HMSD: variants seen among roughly 807,000 people sequenced by gnomAD.
HMSD encodes serpin-like protein HMSD.
HMSD carries 13 observed loss-of-function variants against 10.0 expected under a neutral mutation model. That is an observed-to-expected ratio of 1.31 (90% confidence interval 0.85 to 2.08). The LOEUF is 2.08. Among genes scored for constraint, HMSD ranks in the 30% most tolerant of loss-of-function variants. The pLI is 0.00. For synonymous variants in HMSD, 51 were observed against 54.2 expected, an observed-to-expected ratio of 0.94 and a Z score of 0.26; for missense variants, 169 against 166.3, an observed-to-expected ratio of 1.02 and a Z score of -0.09.
intron 1 of HMSD, among the ~76,000 whole-genome samples, chr18:63,950,415 CAAAAAAAAAAAAA>C (rs562421091): frequency 2.6e-5 from 1 of 39,056 alleles, no homozygotes; most frequent in Non-Finnish European, 5.7e-5. Context: ...GACTCTCTCT[CAAAAAAAAAAAAA>C]AAAAAAAAAA....
At chr18:63,969,085 A>G (rs2050427959) in intron 3 of HMSD, among the ~76,000 whole-genome samples, 6 of 152,222 alleles carry the variant, frequency 3.9e-5, no homozygotes, top group Admixed American at 3.9e-4. Flanking sequence ...TGCAGGAGAC[A>G]TTATTTGAAC....
chr18:63,953,810 C>T (rs922696116), intron 2 of HMSD, among the ~76,000 whole-genome samples: 8 of 152,208 alleles, frequency 5.3e-5, no homozygotes, highest in African/African-American at 1.9e-4. Flanking sequence ...TGGATGGGCC[C>T]TCAGTTCCCT....
chr18:63,963,126 TTTCTTTCC>T (rs1424384838), downstream of HMSD, among the ~76,000 whole-genome samples: 53 of 131,046 alleles, frequency 4.0e-4, no homozygotes, highest in African/African-American at 1.3e-3. Flanking sequence ...TCTTTCTTTC[TTTCTTTCC>T]TTTCTTTCTT....
At chr18:63,951,526 A>G (rs1224193187) in intron 1 of HMSD, among the ~76,000 whole-genome samples, 3 of 152,240 alleles carry the variant, frequency 2.0e-5, no homozygotes, top group African/African-American at 7.2e-5. Context: ...AATTACTGAA[A>G]GAGCTTGAGT....
At chr18:63,960,097 A>C (rs976241288) in intron 3 of HMSD, 61 bp from the exon 4 acceptor site, 1 of 1,445,652 alleles carries the variant, frequency 6.9e-7, no homozygotes. Context: ...ACAATGAAGA[A>C]GTAAGCCAGT....
downstream of HMSD, among the ~76,000 whole-genome samples, chr18:63,963,740 T>A (rs535005445): frequency 1.6e-4 from 25 of 152,342 alleles, no homozygotes; most frequent in Admixed American, 3.9e-4. Flanking sequence ...CAGCTCTAAA[T>A]CTACCTTTGT....
intron 1 of HMSD, among the ~76,000 whole-genome samples, chr18:63,952,594 TG>T (rs1178019397): frequency 1.3e-5 from 2 of 152,236 alleles, no homozygotes; most frequent in African/African-American, 2.4e-5. Context: ...TATTCAATCA[TG>T]GATTTGACAG....
chr18:63,955,994 G>A (rs780662934), intron 3 of HMSD, among the ~76,000 whole-genome samples: 1 of 152,206 alleles, frequency 6.6e-6, no homozygotes, highest in Non-Finnish European at 1.5e-5. Context: ...CCACCTGGAC[G>A]TTTTCCAGGG....
chr18:63,963,944 T>G (rs542746459), downstream of HMSD, among the ~76,000 whole-genome samples: 1 of 152,350 alleles, frequency 6.6e-6, no homozygotes, highest in Non-Finnish European at 1.5e-5. Context: ...TGTAGCCACA[T>G]TCTCAGGGAA....
intron 3 of HMSD, among the ~76,000 whole-genome samples, chr18:63,955,430 T>C (rs970836456): frequency 1.3e-5 from 2 of 152,106 alleles, no homozygotes; most frequent in African/African-American, 2.4e-5. Flanking sequence ...CTTTACACAG[T>C]TTTGTGCATA....
chr18:63,967,060 C>T (rs936024077), intron 3 of HMSD, among the ~76,000 whole-genome samples: 3 of 152,150 alleles, frequency 2.0e-5, no homozygotes, highest in Non-Finnish European at 4.4e-5. Context: ...GAGCTGTGGC[C>T]GGGCATATAT....
In HMSD at chr18:63,954,497, T is replaced by C; in HGVS notation, c.162T>C (p.Thr54=). The C allele has an allele frequency of 6.2e-7, 1 of 1,613,714 alleles. No individual in the cohort carries two copies. Among genetic ancestry groups the C allele is most frequent in the Non-Finnish European group, 8.5e-7 (1 of 1,179,632 alleles). The change falls in exon 3 of 4, where the codon ACT becomes ACC. Residue 54 remains threonine (T), a synonymous_variant. Transcript: ENST00000408945. The part of the protein sequence containing the change: ...SLLVAINRTD[T]EYVLRTANGL... ...TTGTTGCAATTAACAGAACTGACAC[T>C]GAATATGTGCTTAGAACTGCCAACG...
intron 3 of HMSD, among the ~76,000 whole-genome samples, chr18:63,955,559 A>G (rs556409405): frequency 6.6e-6 from 1 of 152,262 alleles, no homozygotes; most frequent in African/African-American, 2.4e-5. Flanking sequence ...TACATTCTGC[A>G]GGGGGTATTT....
intron 3 of HMSD, chr18:63,968,917 T>C (rs1041207502): frequency 6.6e-6 from 1 of 152,320 alleles, no homozygotes; most frequent in East Asian, 1.9e-4. Context: ...CAGTTACTTT[T>C]AGGATTCCAC....
At chr18:63,956,746 T>C (rs989500216) in intron 3 of HMSD, among the ~76,000 whole-genome samples, 8 of 152,150 alleles carry the variant, frequency 5.3e-5, no homozygotes, top group African/African-American at 1.2e-4. Context: ...CCTGAAGGAA[T>C]AGAAATCATT....
At chr18:63,949,761 C>T (rs1385801545) in intron 1 of HMSD, among the ~76,000 whole-genome samples, 1 of 152,124 alleles carries the variant, frequency 6.6e-6, no homozygotes, top group Non-Finnish European at 1.5e-5. Flanking sequence ...ATGTTGGGCG[C>T]TGGAAGGGGC....
intron 1 of HMSD, among the ~76,000 whole-genome samples, chr18:63,949,673 G>A (rs1179268127): frequency 1.3e-5 from 2 of 152,170 alleles, no homozygotes; most frequent in East Asian, 3.9e-4. Flanking sequence ...GCTGGGGGGT[G>A]AAAGTCCTGC....
chr18:63,962,922 G>A (rs17244305), downstream of HMSD, among the ~76,000 whole-genome samples: 13,418 of 151,944 alleles, frequency 0.088, 788 homozygotes, highest in Admixed American at 0.19. Flanking sequence ...ACAAGCTGAC[G>A]TTGATCTGAT....
intron 3 of HMSD, among the ~76,000 whole-genome samples, chr18:63,956,578 A>C (rs1409655535): frequency 1.3e-5 from 2 of 152,232 alleles, no homozygotes; most frequent in Non-Finnish European, 2.9e-5. Context: ...AATGTCAAAA[A>C]ACAGATGCTG....
Sources: gnomAD v4.1 joint callset for allele counts (sites outside exome capture counted in the v4.1 genomes callset) on GRCh38, gnomAD v4.1.1 for gene constraint, MANE v1.5 for transcripts, NCBI Gene and HGNC (gene_info 2026-07-23, HGNC 2026-07-21) for gene names.